PUM2: variants seen among roughly 807,000 people sequenced by gnomAD.
PUM2 encodes pumilio homolog 2.
Under a neutral mutation model 124.5 loss-of-function variants are expected in PUM2, and 57 were observed. The observed-to-expected ratio is 0.46, with a 90% CI of 0.37 to 0.57. PUM2 has a LOEUF of 0.57. Ranked by LOEUF, PUM2 falls within the 20% of genes least tolerant of loss-of-function variation. The pLI is 0.00. For synonymous variants in PUM2, 460 were observed against 446.1 expected (o/e 1.03, Z -0.39); for missense variants, 1,065 against 1,290.6 (o/e 0.83, Z 2.68).
chr2:20,290,913 G>T, intron 9 of PUM2, 123 bp from the exon 10 acceptor site: 2 of 756,428 alleles, frequency 2.6e-6, no homozygotes, highest in Non-Finnish European at 3.9e-6. Context: ...TACATGCAAG[G>T]AAATGTAGAT....
intron 1 of PUM2, among the ~76,000 whole-genome samples, chr2:20,334,349 T>C (rs572910724): frequency 6.6e-6 from 1 of 152,268 alleles, no homozygotes; most frequent in Non-Finnish European, 1.5e-5. Flanking sequence ...TATTTCTTCC[T>C]GGATATCTGG....
Position 20,251,670 on chromosome 2 carries a change from T to C in PUM2, c.3110A>G (p.His1037Arg), listed in dbSNP as rs751840310. The change falls in exon 21 of 21, where the codon CAT (histidine) becomes CGT (arginine). Residue 1037 changes from histidine (H) to arginine (R), a missense_variant. By Grantham distance (29) the His-to-Arg change is conservative. Around this residue, in one of 3 missense-constraint regions of PUM2, gnomAD observed 968 missense variants for 1,159.8 expected, o/e 0.83. Transcript: ENST00000361078. Reference protein sequence around the residue: ...TTLRKYTYGKHILAKLEKYYL... With the variant: ...TTLRKYTYGKRILAKLEKYYL... The stretch of plus-strand genomic sequence containing the variant: ...ATACTTTTCCAACTTGGCCAGTATA[T>C]GCTTCCCGTATGTGTATTTGCGCAA... 1.2e-6 allele frequency: 2 copies of C among 1,613,800 alleles called. No homozygotes were observed. The highest frequency in any genetic ancestry group is 2.2e-5 in the East Asian group (1 of 44,862).
chr2:20,320,317 A>G (rs1354493815), intron 2 of PUM2, among the ~76,000 whole-genome samples: 1 of 152,152 alleles, frequency 6.6e-6, no homozygotes, highest in Non-Finnish European at 1.5e-5. Context: ...AATGGATCTG[A>G]GACACCTTGG....
chr2:20,259,977 T>C (rs1241597358), intron 15 of PUM2, among the ~76,000 whole-genome samples: 2 of 152,242 alleles, frequency 1.3e-5, no homozygotes, highest in African/African-American at 4.8e-5. Flanking sequence ...ACAGTCATCT[T>C]AGTAGGTATA....
At chr2:20,298,365 CAAGA>C (rs1356976233) in intron 7 of PUM2, among the ~76,000 whole-genome samples, 1 of 152,122 alleles carries the variant, frequency 6.6e-6, no homozygotes, top group Admixed American at 6.5e-5. Flanking sequence ...AATACGGAAA[CAAGA>C]AAGAGCTTAA....
chr2:20,336,780 GT>G (rs1187351481), intron 1 of PUM2, among the ~76,000 whole-genome samples: 1 of 142,564 alleles, frequency 7.0e-6, no homozygotes, highest in Admixed American at 7.0e-5. Flanking sequence ...GTGTGTGTGT[GT>G]GTGTGTGTGT....
intron 20 of PUM2, among the ~76,000 whole-genome samples, chr2:20,253,106 C>T (rs1258797043): frequency 2.0e-5 from 3 of 152,002 alleles, no homozygotes; most frequent in Non-Finnish European, 4.4e-5. Context: ...CAGTTACTGA[C>T]GGGCAACTGT....
Position 20,283,221 on chromosome 2 carries a change from T to C in PUM2, c.1446A>G (p.Ala482=). 6.2e-7 allele frequency: 1 copy of C among 1,611,206 alleles called. No individual in the cohort carries two copies. Among genetic ancestry groups the C allele is most frequent in the South Asian group, 1.1e-5 (1 of 90,960 alleles). ...SSAAAQAAAA[A]AAGGTASSLT... Reference sequence around the variant, plus strand: ...GGCTACTTGCAGTTCCTCCAGCTGCTGCTGCTGCTGCTGTAAAATAAATTT... The same window carrying C: ...GGCTACTTGCAGTTCCTCCAGCTGCCGCTGCTGCTGCTGTAAAATAAATTT... The change falls in exon 12 of 21, where the codon GCA becomes GCG. Residue 482 remains alanine (A), a synonymous_variant. Transcript: ENST00000361078.
intron 1 of PUM2, among the ~76,000 whole-genome samples, chr2:20,333,864 A>G (rs558096496): frequency 3.1e-4 from 47 of 152,150 alleles, no homozygotes; most frequent in Non-Finnish European, 5.6e-4. Context: ...TGAATGGATT[A>G]TTGCCATCCC....
chr2:20,274,523 T>G (rs557636462), intron 13 of PUM2, among the ~76,000 whole-genome samples: 6 of 152,198 alleles, frequency 3.9e-5, no homozygotes, highest in Admixed American at 3.3e-4. Flanking sequence ...GGAAGACAGG[T>G]TAGGAAATTT....
chr2:20,261,117 G>A (rs114461163), intron 14 of PUM2, among the ~76,000 whole-genome samples: 2 of 152,142 alleles, frequency 1.3e-5, no homozygotes, highest in Non-Finnish European at 2.9e-5. Context: ...ATGGCCGGGT[G>A]CAGTGGCTCA....
At chr2:20,281,498 C>T (rs2148876774) in intron 12 of PUM2, among the ~76,000 whole-genome samples, 1 of 152,152 alleles carries the variant, frequency 6.6e-6, no homozygotes, top group South Asian at 2.1e-4. Context: ...TTATTTAGGG[C>T]CTACAATTTA....
chr2:20,277,461 A>G (rs1670519408), intron 13 of PUM2, among the ~76,000 whole-genome samples: 1 of 152,186 alleles, frequency 6.6e-6, no homozygotes, highest in African/African-American at 2.4e-5. Context: ...TCAATACCCC[A>G]AATGAGCAAA....
At chr2:20,253,512 CT>C (rs1000241569) in intron 20 of PUM2, among the ~76,000 whole-genome samples, 312 of 142,372 alleles carry the variant, frequency 2.2e-3, no homozygotes, top group Middle Eastern at 3.6e-3. Context: ...AATTGTTTTT[CT>C]TTTTTTTTTT....
rs181597420 is a variant in PUM2, at chr2:20,333,123, T to C, written c.-18-5745A>G. On this transcript the variant is annotated intron_variant, in intron 1 of 20. Transcript: ENST00000361078. ...TGCTCATTCTAAATTTTAACAATAT[T>C]AGCTAATTTTTCAGTAGGCAGATTA... 3.3e-5 allele frequency: 5 copies of C among 152,310 alleles called. No individual in the cohort carries two copies. In the East Asian group the frequency reaches 9.6e-4, roughly 29 times the overall value. 9.4% of individuals were successfully genotyped at this position (152,310 alleles called of 1,614,324 possible). A position where few individuals can be genotyped will look rare whatever the true frequency, so the allele number is the denominator to read the frequency against.
intron 19 of PUM2, among the ~76,000 whole-genome samples, chr2:20,254,383 G>A (rs1038529171): frequency 1.3e-5 from 2 of 152,048 alleles, no homozygotes; most frequent in Non-Finnish European, 2.9e-5. Context: ...TCGAATTCCT[G>A]GGCTCGACTG....
upstream of PUM2, chr2:20,350,871 T>C (rs988667669): frequency 2.1e-5 from 17 of 824,732 alleles, no homozygotes; most frequent in African/African-American, 3.7e-5. Flanking sequence ...GCGCGCGCAG[T>C]GCACCCCGGG....
rs1256326679 is a variant in PUM2 at position 20,311,516 on chromosome 2, C to T, written c.496G>A (p.Asp166Asn). The change falls in exon 5 of 21, where the codon GAT (aspartate) becomes AAT (asparagine). Residue 166 changes from aspartate (D) to asparagine (N), a missense_variant. Coordinates refer to ENST00000361078, the MANE Select transcript of PUM2 (RefSeq NM_015317.5). ...TACTTAAAATCTTTGCAATCGGCAT[C>T]CATTCCATTTGGCAAACCTCTGCCA... ...INGRGLPNGM[D>N]ADCKDFNRTP... The T allele has an allele frequency of 6.2e-7, 1 of 1,608,886 alleles. No homozygotes were observed. The highest frequency in any genetic ancestry group is 8.5e-7 in the Non-Finnish European group (1 of 1,178,476).
intron 1 of PUM2, among the ~76,000 whole-genome samples, chr2:20,349,468 T>C (rs73218120): frequency 0.026 from 4,010 of 152,184 alleles, 163 homozygotes; most frequent in African/African-American, 0.092. Flanking sequence ...AAGTAAATCA[T>C]TGTTTAAAAG....
Sources: gnomAD v4.1 joint callset for allele counts (sites outside exome capture counted in the v4.1 genomes callset) on GRCh38, gnomAD v4.1.1 for gene constraint, gnomAD v4.1.1 regional missense constraint, MANE v1.5 for transcripts, NCBI Gene and HGNC (gene_info 2026-07-23, HGNC 2026-07-21) for gene names.